The following PCSK5 variants were observed in gnomAD, a reference collection of about 807,000 sequenced individuals.
PCSK5 encodes the protein proprotein convertase subtilisin/kexin type 5, also known as prohormone convertase 5.
In PCSK5, 129 loss-of-function variants were observed where a neutral mutation model predicts 233.2. That is an observed-to-expected ratio of 0.55 (90% CI 0.48 to 0.64). The LOEUF is 0.64. PCSK5 is among the 30% of genes least tolerant of loss of function. PCSK5 has a pLI of 0.00. For missense variants in PCSK5, 2,076 were observed against 2,430.1 expected (o/e 0.85, Z 3.06); for synonymous variants, 825 against 879.2 (o/e 0.94, Z 1.09).
rs181187247 is a variant in PCSK5, at chr9:76,325,917, G to A, written c.4340-2092G>A. Among the ~76,000 whole-genome samples the A allele has an allele frequency of 9.3e-3, 1,412 of 152,262 alleles. 15 individuals are homozygous for A. The highest frequency in any genetic ancestry group is 0.014 in the Non-Finnish European group (966 of 68,020). ...CTCCCAAAGTGCTGGGATTACAGGC[G>A]TGAGCCACCATGCCCGGCCGCCATT... On this transcript the variant is annotated intron_variant, in intron 32 of 37. Transcript: ENST00000674117.
intron 10 of PCSK5, among the ~76,000 whole-genome samples, chr9:76,156,409 A>G (rs374470053): frequency 3.0e-4 from 45 of 152,366 alleles, no homozygotes; most frequent in African/African-American, 9.1e-4. Context: ...AAAGTTTAAT[A>G]AATTTTGTAT....
chr9:75,974,411 C>T (rs541268391), intron 2 of PCSK5, among the ~76,000 whole-genome samples: 2 of 152,294 alleles, frequency 1.3e-5, no homozygotes, highest in African/African-American at 2.4e-5. Flanking sequence ...AGAAAACATT[C>T]GGTTTGCCTC....
rs745717582 is a variant in PCSK5, at chr9:75,891,191, G to A, written c.10G>A (p.Gly4Arg). The A allele has an allele frequency of 4.1e-6, 6 of 1,478,236 alleles. No homozygotes were observed. In the South Asian group the frequency reaches 7.3e-5, roughly 18 times the overall value. The allele number at this position is 1,478,236 out of a possible 1,614,324, so 91.6% of individuals were successfully genotyped here. A position where few individuals can be genotyped will look rare whatever the true frequency, so the allele number is the denominator to read the frequency against. ...GCGAGGCGCCGGGACCATGGGCTGG[G>A]GGAGCCGCTGCTGCTGCCCGGGACG... MGW[G>R]SRCCCPGRLD... Residue 4 changes from glycine (G) to arginine (R), a missense_variant, in exon 1 of 38, where the codon GGG becomes AGG. Gly to Arg is a moderately radical substitution (Grantham distance 125). This residue lies in a region of PCSK5 where 190 missense variants were observed against 216.3 expected (regional missense o/e 0.88). Transcript: ENST00000674117.
chr9:75,899,589 A>AT (rs1337523426), intron 1 of PCSK5, among the ~76,000 whole-genome samples: 1 of 152,086 alleles, frequency 6.6e-6, no homozygotes, highest in Non-Finnish European at 1.5e-5. Context: ...TGTAATCAAC[A>AT]TTTTCTCCCC....
intron 12 of PCSK5, among the ~76,000 whole-genome samples, chr9:76,167,379 A>G (rs1256237464): frequency 6.6e-6 from 1 of 152,118 alleles, no homozygotes; most frequent in African/African-American, 2.4e-5. Flanking sequence ...AAAGAGTTCT[A>G]CTCATCTGTG....
chr9:75,912,927 C>G (rs1822812130), intron 1 of PCSK5, among the ~76,000 whole-genome samples: 1 of 152,202 alleles, frequency 6.6e-6, no homozygotes, highest in African/African-American at 2.4e-5. Flanking sequence ...CTAGAATGAA[C>G]CTGCTCTGTC....
At chr9:75,903,598 T>TTATATATATATAA (rs1826143697) in intron 1 of PCSK5, among the ~76,000 whole-genome samples, 1 of 141,580 alleles carries the variant, frequency 7.1e-6, no homozygotes, top group African/African-American at 2.6e-5. Context: ...AAAATATATA[T>TTATATATATATAA]TATATATATA....
At chr9:76,186,555 C>G (rs4745522) in intron 17 of PCSK5, among the ~76,000 whole-genome samples, 14,795 of 152,170 alleles carry the variant, frequency 0.097, 900 homozygotes, top group Admixed American at 0.15. Context: ...AGTGCATTAG[C>G]CTCGCAGTAC....
At chr9:76,279,336 A>G (rs1444695246) in intron 24 of PCSK5, among the ~76,000 whole-genome samples, 1 of 148,942 alleles carries the variant, frequency 6.7e-6, no homozygotes, top group African/African-American at 2.6e-5. Context: ...GGTTGGTTCC[A>G]AGTCTTTGCT....
chr9:75,925,266 T>C (rs76235107), intron 1 of PCSK5, among the ~76,000 whole-genome samples: 3,939 of 152,298 alleles, frequency 0.026, 167 homozygotes, highest in African/African-American at 0.089. Flanking sequence ...GCATAGAGCC[T>C]ATGTTACATT....
chr9:76,218,886 T>A (rs1051391743), intron 20 of PCSK5, among the ~76,000 whole-genome samples: 1 of 152,182 alleles, frequency 6.6e-6, no homozygotes, highest in Non-Finnish European at 1.5e-5. Flanking sequence ...CCACACTTCG[T>A]CTTTTTGAAA....
At chr9:76,031,583 G>GGAGGCT (rs1036045777) in intron 5 of PCSK5, among the ~76,000 whole-genome samples, 1 of 152,110 alleles carries the variant, frequency 6.6e-6, no homozygotes, top group African/African-American at 2.4e-5. Flanking sequence ...CAGAAACTTG[G>GGAGGCT]GAGGCTGAGA....
intron 9 of PCSK5, among the ~76,000 whole-genome samples, chr9:76,116,419 T>C (rs368690188): frequency 6.6e-6 from 1 of 152,224 alleles, no homozygotes; most frequent in South Asian, 2.1e-4. Context: ...TTTATGTTGT[T>C]TGCATATCAC....
intron 14 of PCSK5, among the ~76,000 whole-genome samples, chr9:76,176,360 T>C (rs150550585): frequency 6.6e-6 from 1 of 152,348 alleles, no homozygotes; most frequent in East Asian, 1.9e-4. Context: ...GATTCATCAA[T>C]CTAATAATTC....
rs201510935 is a variant in PCSK5, at chr9:76,177,292, C to CA, written c.1900+2172dup. Among the ~76,000 whole-genome samples, 714 of 142,602 alleles carry CA rather than the reference C, an allele frequency of 5.0e-3. 5 individuals carry two copies. Among genetic ancestry groups the CA allele is most frequent in the African/African-American group, 0.017 (660 of 38,690 alleles). The allele number at this position is 142,602 out of a possible 152,430, so 93.6% of individuals were successfully genotyped here. A position where few individuals can be genotyped will look rare whatever the true frequency, so the allele number is the denominator to read the frequency against. On this transcript the variant is annotated intron_variant, in intron 14 of 37. Coordinates refer to ENST00000674117, the MANE Select transcript of PCSK5 (RefSeq NM_001372043.1). Reference sequence around the variant, plus strand: ...CTGGGAACAGAGTGAGACTCAGTCTCAAAAAAAAAGAAAAGAAAAGAAAAA... The same window carrying CA: ...CTGGGAACAGAGTGAGACTCAGTCTCAAAAAAAAAAGAAAAGAAAAGAAAAA...
rs145867072 is a variant in PCSK5, at chr9:76,335,093, A to C, written c.4748+2483A>C. Among the ~76,000 whole-genome samples the C allele has an allele frequency of 8.1e-3, 1,236 of 152,270 alleles. 15 individuals are homozygous for C. Among genetic ancestry groups the C allele is most frequent in the African/African-American group, 0.027 (1,139 of 41,568 alleles). The stretch of plus-strand genomic sequence containing the variant: ...ACCCTGTCTTAAAAACAAACAAACA[A>C]ACAAACAAAAACAGGAATGAAGCTA... On this transcript the variant is annotated intron_variant, in intron 34 of 37. Transcript: ENST00000674117.
chr9:76,108,248 G>A (rs1832058435), intron 9 of PCSK5, among the ~76,000 whole-genome samples: 1 of 152,192 alleles, frequency 6.6e-6, no homozygotes, highest in African/African-American at 2.4e-5. Flanking sequence ...TTAGAATAGG[G>A]ATTGAAGGCC....
At chr9:76,303,736 G>A (rs982353583) in intron 28 of PCSK5, among the ~76,000 whole-genome samples, 3 of 152,190 alleles carry the variant, frequency 2.0e-5, no homozygotes, top group African/African-American at 7.2e-5. Flanking sequence ...CTCGGGGACA[G>A]AATCGGTTAC....
chr9:76,166,408 C>A (rs1169041091), intron 12 of PCSK5, among the ~76,000 whole-genome samples: 1 of 151,918 alleles, frequency 6.6e-6, no homozygotes, highest in African/African-American at 2.4e-5. Context: ...ATTTTTGTGC[C>A]CGATGTGATT....
Sources: gnomAD v4.1 joint callset for allele counts (sites outside exome capture counted in the v4.1 genomes callset) on GRCh38, gnomAD v4.1.1 for gene constraint, gnomAD v4.1.1 regional missense constraint, MANE v1.5 for transcripts, NCBI Gene and HGNC (gene_info 2026-07-23, HGNC 2026-07-21) for gene names.